The following DCAF16 variants were observed in gnomAD, a reference collection of about 807,000 sequenced individuals.
DCAF16 encodes the protein DDB1 and CUL4 associated factor 16.
DCAF16 carries 10 observed loss-of-function variants against 17.3 expected under a neutral mutation model. That is an observed-to-expected ratio of 0.58 (90% CI 0.36 to 0.98). The LOEUF (loss-of-function observed/expected upper bound fraction) is 0.98. DCAF16 is among the 50% of genes least tolerant of loss of function. DCAF16 has a pLI of 0.01. For synonymous variants in DCAF16, 111 were observed against 92.8 expected, an observed-to-expected ratio of 1.20 and a Z score of -1.12; for missense variants, 249 against 247.6, an observed-to-expected ratio of 1.01 and a Z score of -0.04.
At chr4:17,793,623 A>ATTCACATG in the DCAF16 span, among the ~76,000 whole-genome samples, 1 of 152,200 alleles carries the variant, frequency 6.6e-6, no homozygotes, top group Non-Finnish European at 1.5e-5. Context: ...GTATGATTCC[A>ATTCACATG]TTCACATGAA....
At chr4:17,796,158 A>C (rs10489038), downstream of DCAF16, among the ~76,000 whole-genome samples, 7,190 of 152,252 alleles carry the variant, frequency 0.047, 591 homozygotes, top group African/African-American at 0.16. Flanking sequence ...CTACAAAAGA[A>C]GAGCAAAAAT....
At chr4:17,799,590 A>C (rs1181974193), downstream of DCAF16, among the ~76,000 whole-genome samples, 1 of 152,256 alleles carries the variant, frequency 6.6e-6, no homozygotes, top group Non-Finnish European at 1.5e-5. Flanking sequence ...CTTACGCATC[A>C]GAAAATAACC....
rs867734655 is a variant in DCAF16 at position 17,806,967 on chromosome 4, A to G, written c.-749-1742T>C. ...ATATTATTGGTACAACTGGCTCATTATATGAAAAAAAGTAAAACTGTATTG... is the reference window on the plus strand; with the variant it reads ...ATATTATTGGTACAACTGGCTCATTGTATGAAAAAAAGTAAAACTGTATTG... On this transcript the variant is annotated intron_variant, in intron 1 of 2. Coordinates refer to ENST00000382247, the MANE Select transcript of DCAF16 (RefSeq NM_017741.4). 5.9e-5 allele frequency among the ~76,000 whole-genome samples: 9 copies of G among 152,308 alleles called. No individual in the cohort carries two copies. The South Asian group carries it at 1.7e-3, about 28-fold the overall frequency.
rs898311964 is a variant in DCAF16, at chr4:17,800,714, C to T, written c.*2777G>A. 1 of 152,592 alleles carries T rather than the reference C, an allele frequency of 6.6e-6. No individual in the cohort carries two copies. Among genetic ancestry groups the T allele is most frequent in the African/African-American group, 2.4e-5 (1 of 41,420 alleles). The allele number at this position is 152,592 out of a possible 1,614,324, so 9.5% of individuals were successfully genotyped here. Reference sequence around the variant, plus strand: ...GCCAAGCTGGGGAAAGGCTTCCTTTCGAAGTGAATAGCAAAAATGCATTCA... The same window carrying T: ...GCCAAGCTGGGGAAAGGCTTCCTTTTGAAGTGAATAGCAAAAATGCATTCA... On this transcript the variant is annotated 3_prime_UTR_variant, in exon 3 of 3. Coordinates refer to ENST00000382247, the MANE Select transcript of DCAF16 (RefSeq NM_017741.4).
intron 1 of DCAF16, among the ~76,000 whole-genome samples, chr4:17,806,498 A>C (rs1230283163): frequency 6.6e-6 from 1 of 152,348 alleles, no homozygotes; most frequent in Non-Finnish European, 1.5e-5. Context: ...CAAACAACAA[A>C]AACCTAATCC....
intron 1 of DCAF16, among the ~76,000 whole-genome samples, chr4:17,806,087 A>T (rs1054392425): frequency 6.6e-6 from 1 of 152,246 alleles, no homozygotes; most frequent in East Asian, 1.9e-4. Context: ...GGAAAAAGAT[A>T]CGTTAAGAAT....
the DCAF16 span, among the ~76,000 whole-genome samples, chr4:17,793,495 G>C: frequency 2.0e-5 from 3 of 151,992 alleles, no homozygotes; most frequent in Admixed American, 2.0e-4. Flanking sequence ...GGAAATAAAT[G>C]TCAACAGGTA....
chr4:17,808,237 T>C (rs1204856832), intron 1 of DCAF16, among the ~76,000 whole-genome samples: 1 of 152,236 alleles, frequency 6.6e-6, no homozygotes, highest in Non-Finnish European at 1.5e-5. Flanking sequence ...TTGTTCAATC[T>C]GAAAAAGAGT....
chr4:17,794,194 G>A, the DCAF16 span, among the ~76,000 whole-genome samples: 1 of 152,122 alleles, frequency 6.6e-6, no homozygotes, highest in Non-Finnish European at 1.5e-5. Context: ...TGAAATGTGT[G>A]GGAACAGAAG....
intron 1 of DCAF16, among the ~76,000 whole-genome samples, chr4:17,807,846 G>C (rs147899585): frequency 6.6e-6 from 1 of 152,164 alleles, no homozygotes; most frequent in Non-Finnish European, 1.5e-5. Context: ...TTTCATTATC[G>C]AATACACTGA....
chr4:17,798,130 C>T (rs1719511554), downstream of DCAF16, among the ~76,000 whole-genome samples: 1 of 152,110 alleles, frequency 6.6e-6, no homozygotes, highest in Non-Finnish European at 1.5e-5. Context: ...TAGAGCCTAA[C>T]TCCCCTAATG....
chr4:17,800,416 C>T (rs1025595967), downstream of DCAF16, among the ~76,000 whole-genome samples: 2 of 152,110 alleles, frequency 1.3e-5, no homozygotes, highest in African/African-American at 4.8e-5. Context: ...TTTTGTGCAA[C>T]CTGGAATTAC....
At chr4:17,809,165 G>A (rs535635923) in intron 1 of DCAF16, among the ~76,000 whole-genome samples, 1 of 152,322 alleles carries the variant, frequency 6.6e-6, no homozygotes, top group Admixed American at 6.5e-5. Context: ...GATAAGGTAT[G>A]GCATATTAAT....
chr4:17,807,097 A>G (rs1720400986), intron 1 of DCAF16, among the ~76,000 whole-genome samples: 1 of 152,224 alleles, frequency 6.6e-6, no homozygotes, highest in Admixed American at 6.5e-5. Flanking sequence ...AGGATTCATG[A>G]TGGATTAAAG....
chr4:17,806,511 T>C (rs1040658409), intron 1 of DCAF16, among the ~76,000 whole-genome samples: 28 of 152,156 alleles, frequency 1.8e-4, no homozygotes, highest in Admixed American at 1.8e-3. Flanking sequence ...CCTAATCCTA[T>C]AAAGAACCTA....
chr4:17,804,201 A>T lies in DCAF16; in HGVS notation c.-60T>A. 1 of 1,364,842 alleles carries T rather than the reference A, an allele frequency of 7.3e-7. No homozygotes were observed. Among genetic ancestry groups the T allele is most frequent in the Non-Finnish European group, 1.0e-6 (1 of 989,616 alleles). The allele number at this position is 1,364,842 out of a possible 1,614,324, so 84.5% of individuals were successfully genotyped here. A position where few individuals can be genotyped will look rare whatever the true frequency, so the allele number is the denominator to read the frequency against. ...AATAATCTAAGCCAGCAGAACACTG[A>T]CTAACACTGGCAAATAGAAATAAGA... On this transcript the variant is annotated 5_prime_UTR_variant, in exon 3 of 3. Transcript: ENST00000382247.
At chr4:17,808,357 T>C (rs1326536269) in intron 1 of DCAF16, among the ~76,000 whole-genome samples, 1 of 152,170 alleles carries the variant, frequency 6.6e-6, no homozygotes, top group Non-Finnish European at 1.5e-5. Context: ...TTCAACCAGA[T>C]TGCACCTGTG....
downstream of DCAF16, among the ~76,000 whole-genome samples, chr4:17,798,016 C>T (rs1340824428): frequency 6.6e-6 from 1 of 152,168 alleles, no homozygotes; most frequent in African/African-American, 2.4e-5. Flanking sequence ...GTTTCTGTTG[C>T]TAATTTGAGA....
At chr4:17,807,718 T>C (rs758108902) in intron 1 of DCAF16, among the ~76,000 whole-genome samples, 2 of 152,248 alleles carry the variant, frequency 1.3e-5, no homozygotes, top group Non-Finnish European at 2.9e-5. Context: ...ATTCCAAGTA[T>C]ATACAGCAAC....
Sources: gnomAD v4.1 joint callset for allele counts (sites outside exome capture counted in the v4.1 genomes callset) on GRCh38, gnomAD v4.1.1 for gene constraint, MANE v1.5 for transcripts, NCBI Gene and HGNC (gene_info 2026-07-23, HGNC 2026-07-21) for gene names.